STPG2: variants seen among roughly 807,000 people sequenced by gnomAD.
STPG2 encodes the protein sperm tail PG-rich repeat containing 2.
A neutral mutation model predicts 54.2 loss-of-function variants in STPG2; 56 were observed. That is an observed-to-expected ratio of 1.03 (90% confidence interval 0.83 to 1.29). The LOEUF is 1.29. Ranked by LOEUF, STPG2 falls within the 50% of genes most tolerant of loss-of-function variation. STPG2 has a pLI of 0.00. For missense variants in STPG2, 596 were observed against 544.9 expected, an observed-to-expected ratio of 1.09 and a Z score of -0.93; for synonymous variants, 200 against 181.8, an observed-to-expected ratio of 1.10 and a Z score of -0.81.
At chr4:97,644,589 C>T (rs1721857265) in intron 10 of STPG2, among the ~76,000 whole-genome samples, 1 of 152,014 alleles carries the variant, frequency 6.6e-6, no homozygotes. Context: ...AAGCAAACAT[C>T]GCATGGCTCT....
chr4:97,506,017 AC>A (rs1730835691), intron 4 of STPG2, among the ~76,000 whole-genome samples: 2 of 138,228 alleles, frequency 1.4e-5, no homozygotes, highest in Non-Finnish European at 1.6e-5. Flanking sequence ...AAAATAGGAG[AC>A]CAAAAAAAAA....
At chr4:97,441,570 T>A (rs1215109842) in intron 4 of STPG2, 3 of 152,016 alleles carry the variant, frequency 2.0e-5, no homozygotes, top group Non-Finnish European at 2.9e-5. Context: ...GTAAGTGGTA[T>A]CTCTATTTTA....
In STPG2 at chr4:98,022,239, C is replaced by T. The variant is rs545494580; in HGVS notation, c.613-40921G>A. ...TGGTGACAAAATCTCTCAGCATTTG[C>T]TTGTCTGTAAAGTATTTTATTTCTC... On this transcript the variant is annotated intron_variant, in intron 5 of 10. Coordinates refer to ENST00000295268, the MANE Select transcript of STPG2 (RefSeq NM_174952.3). Among the ~76,000 whole-genome samples, 25 of 152,030 alleles carry T rather than the reference C, an allele frequency of 1.6e-4. 1 individual carries two copies. The highest frequency in any genetic ancestry group is 1.4e-3 in the Admixed American group (21 of 15,270).
At chr4:97,827,691 T>G (rs892390186) in intron 9 of STPG2, among the ~76,000 whole-genome samples, 4 of 152,218 alleles carry the variant, frequency 2.6e-5, no homozygotes, top group Non-Finnish European at 5.9e-5. Flanking sequence ...ATAAGAATAT[T>G]TTCTCTTTTG....
At chr4:97,758,514 A>G (rs1725796123) in intron 9 of STPG2, among the ~76,000 whole-genome samples, 4 of 152,292 alleles carry the variant, frequency 2.6e-5, no homozygotes, top group African/African-American at 9.6e-5. Flanking sequence ...CAGCAAATTA[A>G]CACAGGAACA....
intron 10 of STPG2, among the ~76,000 whole-genome samples, chr4:97,573,300 C>T (rs1578398704): frequency 6.6e-6 from 1 of 151,808 alleles, no homozygotes. Flanking sequence ...AAAACTATAG[C>T]TAATATAAGG....
intron 9 of STPG2, among the ~76,000 whole-genome samples, chr4:97,833,331 C>T (rs1310463343): frequency 1.3e-5 from 2 of 152,124 alleles, no homozygotes; most frequent in African/African-American, 4.8e-5. Context: ...GGATATCTTC[C>T]TTATACCTTA....
intron 10 of STPG2, among the ~76,000 whole-genome samples, chr4:97,560,423 A>G (rs1036765338): frequency 2.6e-5 from 4 of 152,164 alleles, no homozygotes; most frequent in African/African-American, 9.7e-5. Context: ...TTTGAAGAAC[A>G]TGACTGTTTA....
chr4:97,724,773 C>T (rs1316030091), intron 9 of STPG2, among the ~76,000 whole-genome samples: 1 of 152,042 alleles, frequency 6.6e-6, no homozygotes, highest in African/African-American at 2.4e-5. Flanking sequence ...TAGTAGGTAT[C>T]CTTGTCTTCC....
intron 4 of STPG2, among the ~76,000 whole-genome samples, chr4:97,504,828 A>G (rs2148836085): frequency 6.6e-6 from 1 of 152,110 alleles, no homozygotes; most frequent in South Asian, 2.1e-4. Context: ...CAAAAGAAAA[A>G]CCTACTATGT....
At chr4:98,077,437 C>T (rs1738207293) in intron 5 of STPG2, among the ~76,000 whole-genome samples, 1 of 152,070 alleles carries the variant, frequency 6.6e-6, no homozygotes, top group South Asian at 2.1e-4. Flanking sequence ...GGGGTTTCAC[C>T]GTGTTAGCCA....
Position 98,031,331 on chromosome 4 carries a change from T to C in STPG2, c.613-50013A>G, listed in dbSNP as rs190366120. On this transcript the variant is annotated intron_variant, in intron 5 of 10. Coordinates refer to ENST00000295268, the MANE Select transcript of STPG2 (RefSeq NM_174952.3). The stretch of plus-strand genomic sequence containing the variant: ...AACATTGGAGGAACCCTTCTAGATA[T>C]TGGCTTAGGCAAGGATTTTATAACC... 4.6e-5 allele frequency among the ~76,000 whole-genome samples: 7 copies of C among 152,296 alleles called. No individual in the cohort carries two copies. In the South Asian group the frequency reaches 6.2e-4, roughly 14 times the overall value.
At chr4:97,454,556 A>C (rs1729466962) in intron 4 of STPG2, among the ~76,000 whole-genome samples, 1 of 119,938 alleles carries the variant, frequency 8.3e-6, no homozygotes, top group African/African-American at 3.1e-5. Flanking sequence ...AAAAAAAAAA[A>C]AGAAAAGGGA....
intron 5 of STPG2, among the ~76,000 whole-genome samples, chr4:98,004,398 C>T (rs1735510122): frequency 6.6e-6 from 1 of 152,094 alleles, no homozygotes; most frequent in South Asian, 2.1e-4. Context: ...CATTGATGAA[C>T]ATTAGGTTGA....
At chr4:98,076,253 A>C (rs1738162602) in intron 5 of STPG2, among the ~76,000 whole-genome samples, 1 of 152,100 alleles carries the variant, frequency 6.6e-6, no homozygotes, top group South Asian at 2.1e-4. Context: ...CAAAAAAAAA[A>C]AAAAGAAGCA....
At chr4:97,609,722 A>G (rs1343107681) in intron 10 of STPG2, among the ~76,000 whole-genome samples, 1 of 151,914 alleles carries the variant, frequency 6.6e-6, no homozygotes, top group East Asian at 1.9e-4. Flanking sequence ...TTAAAATTAA[A>G]TTTTTCTCTT....
intron 9 of STPG2, among the ~76,000 whole-genome samples, chr4:97,762,046 C>T (rs888829624): frequency 6.6e-6 from 1 of 152,098 alleles, no homozygotes; most frequent in Non-Finnish European, 1.5e-5. Context: ...AGCTCAGTGT[C>T]CTTGAGTTTT....
chr4:97,959,593 G>C (rs1733811516), intron 7 of STPG2, among the ~76,000 whole-genome samples: 1 of 151,680 alleles, frequency 6.6e-6, no homozygotes, highest in South Asian at 2.1e-4. Flanking sequence ...ATAAAAACTA[G>C]AAAACCTAGA....
chr4:97,489,144 T>C (rs1046297708), intron 4 of STPG2, among the ~76,000 whole-genome samples: 1 of 151,596 alleles, frequency 6.6e-6, no homozygotes, highest in Non-Finnish European at 1.5e-5. Context: ...TTGCCTGGGG[T>C]CATCCATGTA....
Sources: gnomAD v4.1 joint callset for allele counts (sites outside exome capture counted in the v4.1 genomes callset) on GRCh38, gnomAD v4.1.1 for gene constraint, MANE v1.5 for transcripts, NCBI Gene and HGNC (gene_info 2026-07-23, HGNC 2026-07-21) for gene names.